The following RBMS2 variants were observed in gnomAD, a reference collection of about 807,000 sequenced individuals.
RBMS2 encodes RNA binding motif single stranded interacting protein 2.
RBMS2 carries 38 observed loss-of-function variants against 58.4 expected under a neutral mutation model. The ratio of observed to expected loss-of-function variants is 0.65; its 90% CI spans 0.50 to 0.85. RBMS2 has a LOEUF of 0.85. Ranked by LOEUF, RBMS2 falls within the 40% of genes least tolerant of loss-of-function variation. The pLI, the probability that RBMS2 is intolerant of heterozygous loss-of-function variation, is 0.00. For missense variants in RBMS2, 367 were observed against 503.7 expected (o/e 0.73, Z 2.60); for synonymous variants, 151 against 180.7 (o/e 0.84, Z 1.32).
intron 1 of RBMS2, among the ~76,000 whole-genome samples, chr12:56,553,831 T>G (rs1462400228): frequency 6.6e-6 from 1 of 151,074 alleles, no homozygotes; most frequent in East Asian, 1.9e-4. Flanking sequence ...TCTTTGTTTT[T>G]TTTTTTTTTT....
At chr12:56,564,622 C>A (rs1377877767) in intron 2 of RBMS2, among the ~76,000 whole-genome samples, 2 of 152,200 alleles carry the variant, frequency 1.3e-5, no homozygotes, top group Non-Finnish European at 2.9e-5. Flanking sequence ...CCTCGGCCTC[C>A]CCAAAAGCTG....
At chr12:56,541,720 G>A (rs781255855) in intron 1 of RBMS2, among the ~76,000 whole-genome samples, 52 of 152,174 alleles carry the variant, frequency 3.4e-4, no homozygotes, top group Non-Finnish European at 5.7e-4. Context: ...GCACTTCTTC[G>A]TGTGGGCACT....
At chr12:56,536,476 C>T (rs1874855615) in intron 1 of RBMS2, among the ~76,000 whole-genome samples, 1 of 151,584 alleles carries the variant, frequency 6.6e-6, no homozygotes, top group African/African-American at 2.4e-5. Flanking sequence ...TTACCTCCTA[C>T]TCTTTTTCTT....
chr12:56,523,010 T>G, intron 1 of RBMS2, among the ~76,000 whole-genome samples: 1 of 152,092 alleles, frequency 6.6e-6, no homozygotes, highest in Non-Finnish European at 1.5e-5. Flanking sequence ...TAATGGAATG[T>G]TGGAGGGTGA....
At chr12:56,531,426 TA>T (rs905816500) in intron 1 of RBMS2, among the ~76,000 whole-genome samples, 12 of 152,324 alleles carry the variant, frequency 7.9e-5, no homozygotes, top group Admixed American at 7.8e-4. Context: ...TATTTTTAAG[TA>T]ATTATTTATT....
chr12:56,559,969 ACTGCAAC>A (rs1355590797), intron 1 of RBMS2, among the ~76,000 whole-genome samples: 1 of 66,574 alleles, frequency 1.5e-5, no homozygotes, highest in African/African-American at 3.6e-5. Flanking sequence ...ATTTCAGCTT[ACTGCAAC>A]CTCCGCCTCC....
intron 2 of RBMS2, among the ~76,000 whole-genome samples, chr12:56,566,464 CAAG>C (rs1881361381): frequency 1.3e-5 from 2 of 152,182 alleles, no homozygotes; most frequent in African/African-American, 4.8e-5. Context: ...CACTACTACT[CAAG>C]TTTTAGAAGT....
chr12:56,541,248 G>T (rs1373914483), intron 1 of RBMS2, among the ~76,000 whole-genome samples: 6 of 152,200 alleles, frequency 3.9e-5, no homozygotes, highest in Non-Finnish European at 8.8e-5. Context: ...CTATTCAGTT[G>T]CTGAATGAAC....
At chr12:56,556,376 CT>C (rs778701977) in intron 1 of RBMS2, among the ~76,000 whole-genome samples, 374 of 140,050 alleles carry the variant, frequency 2.7e-3, no homozygotes, top group Middle Eastern at 3.7e-3. Context: ...TGTCTTTTAG[CT>C]TTTTTTTTTT....
chr12:56,577,456 A>AATTATTATT (rs138810999), intron 5 of RBMS2, among the ~76,000 whole-genome samples: 2,892 of 145,702 alleles, frequency 0.02, 90 homozygotes, highest in African/African-American at 0.068. Context: ...GTTCATACAA[A>AATTATTATT]ATTATTATTA....
chr12:56,533,421 T>TTTTTTTTG (rs1874168056), intron 1 of RBMS2, among the ~76,000 whole-genome samples: 1 of 132,478 alleles, frequency 7.5e-6, no homozygotes, highest in Non-Finnish European at 1.6e-5. Flanking sequence ...TTTTTTTTTT[T>TTTTTTTTG]TTTTTTTTTT....
At chr12:56,573,532 C>T (rs1335425344) in intron 5 of RBMS2, among the ~76,000 whole-genome samples, 1 of 151,234 alleles carries the variant, frequency 6.6e-6, no homozygotes, top group Non-Finnish European at 1.5e-5. Flanking sequence ...AGTTCCTCTT[C>T]CCCAGCTGAC....
In RBMS2 at chr12:56,587,684, A is replaced by G. The variant is rs542481511; in HGVS notation, c.1062+20A>G. ...GGCACGGTAAAGCAGGATATTTCTGATTGTAAACTCTCCTACTGAGCAAGG... is the reference window on the plus strand; with the variant it reads ...GGCACGGTAAAGCAGGATATTTCTGGTTGTAAACTCTCCTACTGAGCAAGG... On this transcript the variant is annotated intron_variant, in intron 11 of 13. Transcript: ENST00000262031. 8 of 1,609,618 alleles carry G rather than the reference A, an allele frequency of 5.0e-6. No individual in the cohort carries two copies. The East Asian group carries it at 8.9e-5, about 18-fold the overall frequency.
intron 1 of RBMS2, among the ~76,000 whole-genome samples, chr12:56,554,647 A>T (rs2136366485): frequency 6.6e-6 from 1 of 152,292 alleles, no homozygotes; most frequent in Middle Eastern, 3.4e-3. Context: ...CTTAGTACCT[A>T]GGTGATGGGT....
rs773572162 is a variant in RBMS2, at chr12:56,587,593, C to T, written c.991C>T (p.Leu331Phe). 3 of 1,614,002 alleles carry T rather than the reference C, an allele frequency of 1.9e-6. No homozygotes were observed. In the African/African-American group the frequency reaches 4.0e-5, roughly 22 times the overall value. ...LTPGMDHPIS[L>F]QPASMMGPLT... ...ACCAGGGATGGACCATCCCATTTCT[C>T]TCCAGCCTGCCTCCATGATGGGACC... The change falls in exon 11 of 14, where the codon CTC becomes TTC. Residue 331 changes from leucine (L) to phenylalanine (F), a missense_variant. Around this residue, in one of 3 missense-constraint regions of RBMS2, gnomAD observed 220 missense variants for 261.1 expected, o/e 0.84. Transcript: ENST00000262031.
chr12:56,557,348 C>G (rs540556695), intron 1 of RBMS2, among the ~76,000 whole-genome samples: 1 of 152,240 alleles, frequency 6.6e-6, no homozygotes, highest in South Asian at 2.1e-4. Flanking sequence ...ATTTCTCCCC[C>G]CTTGTATTCT....
rs749319459 is a variant in RBMS2 at position 56,562,582 on chromosome 12, CCGTA to C, written c.233_233+3del. The C allele has an allele frequency of 3.7e-6, 6 of 1,612,902 alleles. No homozygotes were observed. Among genetic ancestry groups the C allele is most frequent in the Non-Finnish European group, 3.4e-6 (4 of 1,179,046 alleles). ...CCAAGATCTTGTCAAGCTGTGTCAG[CCGTA>C]AGTTGGAGTACATGTGCGTAGGCTT... On this transcript the variant is annotated splice_donor_variant and splice_donor_region_variant and coding_sequence_variant and intron_variant, in exon 2 of 14. Coordinates refer to ENST00000262031, the MANE Select transcript of RBMS2 (RefSeq NM_002898.4). LOFTEE classifies it high-confidence loss of function.
At chr12:56,545,404 A>G (rs905603929) in intron 1 of RBMS2, among the ~76,000 whole-genome samples, 1 of 152,182 alleles carries the variant, frequency 6.6e-6, no homozygotes, top group Non-Finnish European at 1.5e-5. Flanking sequence ...TAACAGCTCT[A>G]TTGAGATATA....
chr12:56,558,038 C>CTTTTT (rs34784910), intron 1 of RBMS2, among the ~76,000 whole-genome samples: 6 of 28,518 alleles, frequency 2.1e-4, no homozygotes, highest in African/African-American at 3.6e-4. Flanking sequence ...CTCGCCCGGG[C>CTTTTT]TTTTTTTTTT....
Sources: allele counts gnomAD v4.1 joint callset (sites outside exome capture counted in the v4.1 genomes callset), GRCh38; gene constraint gnomAD v4.1.1; regional missense constraint gnomAD v4.1.1; transcripts MANE v1.5; gene names NCBI Gene and HGNC (gene_info 2026-07-23, HGNC 2026-07-21).